The following UBQLN4 variants were observed in gnomAD, a reference collection of about 807,000 sequenced individuals.
UBQLN4 encodes the protein ubiquilin 4.
A neutral mutation model predicts 60.4 loss-of-function variants in UBQLN4; 11 were observed. The ratio of observed to expected loss-of-function variants is 0.18; its 90% CI spans 0.11 to 0.30. UBQLN4 has a LOEUF of 0.30. Among genes scored for constraint, UBQLN4 ranks in the 10% least tolerant of loss-of-function variants. UBQLN4 has a pLI of 1.00. For synonymous variants in UBQLN4, 258 were observed against 313.1 expected (o/e 0.82, Z 1.86); for missense variants, 417 against 795.5 (o/e 0.52, Z 5.72).
At chr1:156,032,219 G>T (rs1400214758), downstream of UBQLN4, among the ~76,000 whole-genome samples, 1 of 151,844 alleles carries the variant, frequency 6.6e-6, no homozygotes, top group Non-Finnish European at 1.5e-5. Flanking sequence ...GGGCAGGCTG[G>T]TCTTGAACTC....
At position 156,048,404 on chromosome 1, in the gene UBQLN4, G is replaced by T; in HGVS notation, c.900+97C>A. On this transcript the variant is annotated intron_variant, in intron 5 of 10. Coordinates refer to ENST00000368309, the MANE Select transcript of UBQLN4 (RefSeq NM_020131.5). The surrounding 1 kb of genome is among the most constrained non-coding windows in gnomAD (Gnocchi z 4.9). ...CCAAGGCCCACCCCTCAGGGGACTG[G>T]GGAAAGAAAGAAGAGCAGGCCCAGG... 1 of 1,427,066 alleles carries T rather than the reference G, an allele frequency of 7.0e-7. No individual in the cohort carries two copies. The allele number at this position is 1,427,066 out of a possible 1,614,324, so 88.4% of individuals were successfully genotyped here.
chr1:156,050,226 G>C lies in UBQLN4; in HGVS notation c.741+65C>G. The C allele has an allele frequency of 6.7e-7, 1 of 1,503,016 alleles. No homozygotes were observed. Among genetic ancestry groups the C allele is most frequent in the Non-Finnish European group, 8.9e-7 (1 of 1,124,066 alleles). 93.1% of individuals were successfully genotyped at this position (1,503,016 alleles called of 1,614,324 possible). A position where few individuals can be genotyped will look rare whatever the true frequency, so the allele number is the denominator to read the frequency against. On this transcript the variant is annotated intron_variant, in intron 4 of 10. Coordinates refer to ENST00000368309, the MANE Select transcript of UBQLN4 (RefSeq NM_020131.5). This position sits in a 1 kb window ranked among gnomAD's most constrained non-coding sequence, Gnocchi z 4.6. ...AACAAATCAATGTAGGACAAAGTAG[G>C]AAAGGCTGGGCAGGGCACGGCTGGG...
In UBQLN4 at chr1:156,051,168, A is replaced by G. The variant is rs1183582061; in HGVS notation, c.420T>C (p.Gly140=). 6.2e-7 allele frequency: 1 copy of G among 1,611,812 alleles called. No homozygotes were observed. Residue 140 remains glycine, a synonymous_variant, in exon 3 of 11, where the codon GGT becomes GGC. Transcript: ENST00000368309. ...CCCCAGCCCCCGGAGAGGGCCCCCC[A>G]CCACTGCTCCTCCGGCTTCCACTGC... ...DAGSGSRRSS[G]GGPSPGAGEG...
chr1:156,045,501 G>A (rs1293027198), intron 5 of UBQLN4, among the ~76,000 whole-genome samples: 2 of 152,240 alleles, frequency 1.3e-5, no homozygotes, highest in Non-Finnish European at 2.9e-5. Context: ...CCTACTATGT[G>A]CCTGACACAT....
Position 156,048,805 on chromosome 1 carries a change from C to T in UBQLN4, c.742-146G>A, listed in dbSNP as rs1322520084. On this transcript the variant is annotated intron_variant, in intron 4 of 10. Coordinates refer to ENST00000368309, the MANE Select transcript of UBQLN4 (RefSeq NM_020131.5). The surrounding 1 kb of genome is among the most constrained non-coding windows in gnomAD (Gnocchi z 4.9). ...CCACAGTGACAGGGAGTAGAGTAAACTGGACTTCCTTCCTCTACTGTAATC... is the reference window on the plus strand; with the variant it reads ...CCACAGTGACAGGGAGTAGAGTAAATTGGACTTCCTTCCTCTACTGTAATC... 1.7e-5 allele frequency: 15 copies of T among 908,314 alleles called. No individual in the cohort carries two copies. The East Asian group carries it at 3.7e-4, about 23-fold the overall frequency. The allele number at this position is 908,314 out of a possible 1,614,324, so 56.3% of individuals were successfully genotyped here.
rs752078087 is a variant in UBQLN4 at position 156,036,960 on chromosome 1, G to A, written c.*18C>T. ...TGACATCGAGGGAGGGGAGAGGCAG[G>A]AGGCATGGGCCGAGGGATTAGGAGA... On this transcript the variant is annotated 3_prime_UTR_variant, in exon 11 of 11. Transcript: ENST00000368309. 1.9e-6 allele frequency: 3 copies of A among 1,610,902 alleles called. No homozygotes were observed. Among genetic ancestry groups the A allele is most frequent in the East Asian group, 2.2e-5 (1 of 44,868 alleles).
Position 156,036,993 on chromosome 1 carries a change from G to T in UBQLN4, c.1791C>A (p.Gly597=). ...GGCCGAGGGATTAGGAGAGCTGGGA[G>T]CCCAGCAGTCTCTCGATAGCTGCGT... is the stretch of plus-strand genomic sequence containing the variant. The part of the protein sequence containing the change: ...DINAAIERLL[G]SQLS Residue 597 remains glycine (G), a synonymous_variant, in exon 11 of 11, where the codon GGC becomes GGA. Coordinates refer to ENST00000368309, the MANE Select transcript of UBQLN4 (RefSeq NM_020131.5). 1 of 1,614,040 alleles carries T rather than the reference G, an allele frequency of 6.2e-7. No individual in the cohort carries two copies. The highest frequency in any genetic ancestry group is 8.5e-7 in the Non-Finnish European group (1 of 1,179,944).
intron 1 of UBQLN4, 102 bp from the exon 2 acceptor site, chr1:156,051,959 T>C: frequency 3.4e-6 from 5 of 1,456,564 alleles, no homozygotes; most frequent in Non-Finnish European, 4.7e-6. Context: ...TGCTCTCATC[T>C]CTAGTCATGG....
chr1:156,032,254 G>A (rs1377352246), downstream of UBQLN4, among the ~76,000 whole-genome samples: 2 of 151,546 alleles, frequency 1.3e-5, no homozygotes, highest in African/African-American at 4.8e-5. Flanking sequence ...TCCTTGCCTT[G>A]GCCTCCCAAA....
chr1:156,038,515 G>A (rs2102739386), intron 10 of UBQLN4, among the ~76,000 whole-genome samples: 1 of 151,920 alleles, frequency 6.6e-6, no homozygotes, highest in South Asian at 2.1e-4. Context: ...AACTTAGTTG[G>A]GCATGGTGAC....
downstream of UBQLN4, chr1:156,033,112 G>A: frequency 1.4e-6 from 1 of 710,824 alleles, no homozygotes; most frequent in Non-Finnish European, 1.7e-6. Context: ...GTCTGTCCAT[G>A]TTTTTGCCAA....
In UBQLN4 at chr1:156,050,168, C is replaced by T; in HGVS notation, c.741+123G>A. The T allele has an allele frequency of 7.6e-7, 1 of 1,317,090 alleles. No individual in the cohort carries two copies. The highest frequency in any genetic ancestry group is 1.0e-6 in the Non-Finnish European group (1 of 988,184). The allele number at this position is 1,317,090 out of a possible 1,614,324, so 81.6% of individuals were successfully genotyped here. On this transcript the variant is annotated intron_variant, in intron 4 of 10. Coordinates refer to ENST00000368309, the MANE Select transcript of UBQLN4 (RefSeq NM_020131.5). The surrounding 1 kb of genome is among the most constrained non-coding windows in gnomAD (Gnocchi z 4.6). ...TAGGCCTGTCTTTTCATCCCTGTAC[C>T]TCCAGTGTTCAAAACTGCTGAATAC...
downstream of UBQLN4, chr1:156,033,210 A>C: frequency 1.0e-6 from 1 of 985,438 alleles, no homozygotes; most frequent in Non-Finnish European, 1.2e-6. Flanking sequence ...CCCGGGTGAG[A>C]CTGACTCAGC....
chr1:156,041,522 T>G lies in UBQLN4; in HGVS notation c.1616A>C (p.Gln539Pro). 1.2e-6 allele frequency: 2 copies of G among 1,610,624 alleles called. No homozygotes were observed. The highest frequency in any genetic ancestry group is 1.7e-6 in the Non-Finnish European group (2 of 1,178,990). Residue 539 changes from glutamine to proline, a missense_variant, in exon 10 of 11, where the codon CAG (glutamine) becomes CCG (proline). By Grantham distance (76) the Gln-to-Pro change is moderately conservative. Transcript: ENST00000368309. ...ASSAQQQLMQQMIQLLAGSGN... is the reference protein window; with the variant it reads ...ASSAQQQLMQPMIQLLAGSGN... The stretch of plus-strand genomic sequence containing the variant: ...ACTTCCAGCCAAAAGCTGGATCATC[T>G]GCTGCATGAGTTGCTGCTGGGCGCT...
downstream of UBQLN4, chr1:156,033,315 C>A (rs1683326387): frequency 2.0e-6 from 2 of 984,358 alleles, no homozygotes; most frequent in Non-Finnish European, 2.4e-6. Context: ...AATCCTTCCG[C>A]TTAGAAATAA....
downstream of UBQLN4, among the ~76,000 whole-genome samples, chr1:156,034,881 T>C (rs7517202): frequency 0.39 from 39,008 of 98,864 alleles, 7,736 homozygotes; most frequent in Non-Finnish European, 0.52. Flanking sequence ...AATTTTTTTT[T>C]CTTTTGAGAC....
chr1:156,043,890 G>A, intron 6 of UBQLN4, 108 bp downstream of exon 6: 2 of 1,250,874 alleles, frequency 1.6e-6, no homozygotes, highest in Non-Finnish European at 2.3e-6. Flanking sequence ...GGCCTCGATA[G>A]TCTCACCTCT....
At position 156,053,686 on chromosome 1, in the gene UBQLN4, C is replaced by T. The variant is rs758476685; in HGVS notation, c.16G>A (p.Gly6Arg). 6.4e-5 allele frequency: 84 copies of T among 1,302,346 alleles called. 1 individual carries two copies. The highest frequency in any genetic ancestry group is 3.0e-4 in the South Asian group (11 of 36,126). 80.7% of individuals were successfully genotyped at this position (1,302,346 alleles called of 1,614,324 possible). A position where few individuals can be genotyped will look rare whatever the true frequency, so the allele number is the denominator to read the frequency against. Residue 6 changes from glycine (G) to arginine (R), a missense_variant, in exon 1 of 11, where the codon GGG (glycine) becomes AGG (arginine). Coordinates refer to ENST00000368309, the MANE Select transcript of UBQLN4 (RefSeq NM_020131.5). Reference protein sequence around the residue: MAEPSGAETRPPIRVT... With the variant: MAEPSRAETRPPIRVT... ...CGAATGGGGGGCCTCGTCTCGGCCC[C>T]GCTCGGCTCCGCCATGCCGCCGCCG...
intron 4 of UBQLN4, among the ~76,000 whole-genome samples, chr1:156,049,141 A>G (rs1223229724): frequency 6.6e-6 from 1 of 152,224 alleles, no homozygotes; most frequent in African/African-American, 2.4e-5. Context: ...TTTGCAGATG[A>G]GCAAATAGGC....
Sources: allele counts gnomAD v4.1 joint callset (sites outside exome capture counted in the v4.1 genomes callset), GRCh38; gene constraint gnomAD v4.1.1; non-coding constraint Gnocchi (gnomAD v3.1); transcripts MANE v1.5; gene names NCBI Gene and HGNC (gene_info 2026-07-23, HGNC 2026-07-21).